The following TMCC1 variants were observed in gnomAD, a reference collection of about 807,000 sequenced individuals.
TMCC1 encodes the protein transmembrane and coiled-coil domain family 1.
A neutral mutation model predicts 52.4 loss-of-function variants in TMCC1; 15 were observed. The ratio of observed to expected loss-of-function variants is 0.29; its 90% confidence interval spans 0.19 to 0.44. TMCC1 has a LOEUF of 0.44. TMCC1 is among the 20% of genes least tolerant of loss of function. The pLI, the probability that TMCC1 is intolerant of heterozygous loss-of-function variation, is 1.00. For missense variants in TMCC1, 503 were observed against 806.0 expected (o/e 0.62, Z 4.55); for synonymous variants, 279 against 301.9 (o/e 0.92, Z 0.79).
chr3:129,663,266 C>T (rs769922132), intron 5 of TMCC1, among the ~76,000 whole-genome samples: 5 of 152,088 alleles, frequency 3.3e-5, no homozygotes, highest in African/African-American at 4.8e-5. Flanking sequence ...TTCCCTAGTT[C>T]GGCAATAGGT....
At chr3:129,764,515 A>C (rs2053914602) in intron 4 of TMCC1, among the ~76,000 whole-genome samples, 1 of 152,112 alleles carries the variant, frequency 6.6e-6, no homozygotes, top group African/African-American at 2.4e-5. Flanking sequence ...GCAATACATT[A>C]GATGCTACAG....
intron 4 of TMCC1, among the ~76,000 whole-genome samples, chr3:129,804,687 TGTG>T (rs1260063590): frequency 6.6e-6 from 1 of 152,164 alleles, no homozygotes; most frequent in Non-Finnish European, 1.5e-5. Flanking sequence ...TATTCAGATT[TGTG>T]GGCACGGTAT....
At chr3:129,892,539 T>G (rs1292915918) in intron 1 of TMCC1, 4 of 152,098 alleles carry the variant, frequency 2.6e-5, no homozygotes, top group Admixed American at 6.5e-5. Flanking sequence ...TTTTTTTTTT[T>G]AAGAACAGAA....
intron 2 of TMCC1, among the ~76,000 whole-genome samples, chr3:129,844,335 T>A (rs1231140231): frequency 6.6e-6 from 1 of 152,092 alleles, no homozygotes; most frequent in Non-Finnish European, 1.5e-5. Flanking sequence ...CAGGAGTGAA[T>A]GGAATTACAG....
chr3:129,879,529 T>C (rs1054598017), intron 2 of TMCC1, among the ~76,000 whole-genome samples: 26 of 152,326 alleles, frequency 1.7e-4, no homozygotes, highest in African/African-American at 6.0e-4. Context: ...ATAACAATCC[T>C]TTACATTGAT....
At chr3:129,681,620 AGAG>A (rs1358009075) in intron 4 of TMCC1, among the ~76,000 whole-genome samples, 1 of 151,990 alleles carries the variant, frequency 6.6e-6, no homozygotes, top group African/African-American at 2.4e-5. Flanking sequence ...GAAATGAGGA[AGAG>A]GAGACCAGGT....
At chr3:129,871,843 A>G (rs187693469) in intron 2 of TMCC1, among the ~76,000 whole-genome samples, 2 of 152,250 alleles carry the variant, frequency 1.3e-5, no homozygotes, top group East Asian at 3.8e-4. Flanking sequence ...CATGATTTTC[A>G]TATAGATGAA....
chr3:129,844,618 C>T (rs190935647), intron 2 of TMCC1, among the ~76,000 whole-genome samples: 10 of 152,264 alleles, frequency 6.6e-5, no homozygotes, highest in East Asian at 3.9e-4. Flanking sequence ...CATTCCTGAA[C>T]GGTAACCGCA....
At chr3:129,827,651 T>G (rs1577005120) in intron 4 of TMCC1, 152 bp downstream of exon 4, 2 of 801,522 alleles carry the variant, frequency 2.5e-6, no homozygotes, top group East Asian at 5.0e-5. Flanking sequence ...TAGCTATAAT[T>G]ATTATTTACC....
chr3:129,878,998 T>C (rs1218396520), intron 2 of TMCC1, among the ~76,000 whole-genome samples: 1 of 152,244 alleles, frequency 6.6e-6, no homozygotes, highest in Non-Finnish European at 1.5e-5. Context: ...CTTCACTTCT[T>C]TCAAGCCCTT....
rs549770535 is a variant in TMCC1, at chr3:129,834,741, C to T, written c.-183-1915G>A. 8.5e-5 allele frequency among the ~76,000 whole-genome samples: 13 copies of T among 152,198 alleles called. No homozygotes were observed. The South Asian group carries it at 1.2e-3, about 15-fold the overall frequency. ...AAAAAAGTTAATGGAAAGGAATGAG[C>T]GCACAAAGTACTGAAGAGTCAACAG... On this transcript the variant is annotated intron_variant, in intron 2 of 6. Transcript: ENST00000393238.
intron 1 of TMCC1, among the ~76,000 whole-genome samples, chr3:129,883,983 G>T (rs1191437323): frequency 2.0e-5 from 3 of 152,102 alleles, no homozygotes; most frequent in Admixed American, 6.5e-5. Context: ...TTTCTCATTG[G>T]ATACAATGCA....
At chr3:129,675,860 A>AC (rs2088384672) in intron 4 of TMCC1, among the ~76,000 whole-genome samples, 1 of 151,842 alleles carries the variant, frequency 6.6e-6, no homozygotes, top group South Asian at 2.1e-4. Context: ...ACACGGTGAA[A>AC]CCCCATCTCT....
At chr3:129,653,555 T>C (rs1198611901) in intron 6 of TMCC1, among the ~76,000 whole-genome samples, 1 of 152,238 alleles carries the variant, frequency 6.6e-6, no homozygotes, top group Non-Finnish European at 1.5e-5. Context: ...GCCATTCTTC[T>C]GCCTCAGCCT....
intron 2 of TMCC1, among the ~76,000 whole-genome samples, chr3:129,845,425 T>C (rs1031618580): frequency 2.6e-5 from 4 of 152,072 alleles, no homozygotes; most frequent in African/African-American, 7.2e-5. Flanking sequence ...ACCCTAAATA[T>C]TACTTTTTTA....
At chr3:129,672,137 A>C (rs1226951384) in intron 4 of TMCC1, among the ~76,000 whole-genome samples, 1 of 152,244 alleles carries the variant, frequency 6.6e-6, no homozygotes, top group Non-Finnish European at 1.5e-5. Context: ...GAAGAAAAAG[A>C]CAAGATACTC....
chr3:129,781,757 A>G (rs1232467331), intron 4 of TMCC1, among the ~76,000 whole-genome samples: 1 of 152,138 alleles, frequency 6.6e-6, no homozygotes, highest in Non-Finnish European at 1.5e-5. Context: ...CACGGGAATA[A>G]CGTCATTTGG....
intron 2 of TMCC1, among the ~76,000 whole-genome samples, chr3:129,851,767 C>T (rs1041062255): frequency 6.6e-6 from 1 of 152,112 alleles, no homozygotes; most frequent in African/African-American, 2.4e-5. Context: ...AGCAAGGCCT[C>T]GAAGAGATAC....
intron 4 of TMCC1, among the ~76,000 whole-genome samples, chr3:129,733,697 CAG>C (rs1022041106): frequency 3.9e-5 from 6 of 152,152 alleles, no homozygotes; most frequent in Non-Finnish European, 7.4e-5. Flanking sequence ...GTCTTGAAAA[CAG>C]AGTATTTCAC....
Sources: gnomAD v4.1 joint callset for allele counts (sites outside exome capture counted in the v4.1 genomes callset) on GRCh38, gnomAD v4.1.1 for gene constraint, MANE v1.5 for transcripts, NCBI Gene and HGNC (gene_info 2026-07-23, HGNC 2026-07-21) for gene names.